The following ERBB4 variants were observed in gnomAD, a reference collection of about 807,000 sequenced individuals.
The protein encoded by ERBB4 is erb-b2 receptor tyrosine kinase 4.
In ERBB4, 42 loss-of-function variants were observed where a neutral mutation model predicts 158.0. The ratio of observed to expected loss-of-function variants is 0.27; its 90% confidence interval spans 0.21 to 0.34. ERBB4 has a LOEUF of 0.34. ERBB4 is among the 10% of genes least tolerant of loss of function. The pLI is 1.00. For synonymous variants in ERBB4, 583 were observed against 558.7 expected (o/e 1.04, Z -0.61); for missense variants, 1,333 against 1,624.1 (o/e 0.82, Z 3.08).
rs1007248356 is a variant in ERBB4 at position 211,736,719 on chromosome 2, C to G, written c.623-11525G>C. On this transcript the variant is annotated intron_variant, in intron 5 of 27. Coordinates refer to ENST00000342788, the MANE Select transcript of ERBB4 (RefSeq NM_005235.3). The stretch of plus-strand genomic sequence containing the variant: ...TCAGAATTGTGCCATTGAGACTGAC[C>G]ATTCTCAGAGGTTTGTGCTTTTTAT... Among the ~76,000 whole-genome samples the G allele has an allele frequency of 8.5e-5, 13 of 152,196 alleles. No homozygotes were observed. In the South Asian group the frequency reaches 2.7e-3, roughly 32 times the overall value.
chr2:211,969,147 T>C (rs1326905627), intron 2 of ERBB4, among the ~76,000 whole-genome samples: 1 of 152,006 alleles, frequency 6.6e-6, no homozygotes, highest in Non-Finnish European at 1.5e-5. Context: ...TGAGCATTTT[T>C]AAAGTGTATA....
At chr2:211,962,817 G>C (rs554361582) in intron 2 of ERBB4, among the ~76,000 whole-genome samples, 1 of 152,196 alleles carries the variant, frequency 6.6e-6, no homozygotes, top group South Asian at 2.1e-4. Context: ...GAGGTTTTTA[G>C]CTTGGGAGAC....
At chr2:212,217,904 T>C (rs76138846) in intron 1 of ERBB4, among the ~76,000 whole-genome samples, 350 of 151,364 alleles carry the variant, frequency 2.3e-3, no homozygotes, top group Non-Finnish European at 4.3e-3. Context: ...ATAAAGTATA[T>C]ATTTCTTCTG....
chr2:211,618,497 C>T (rs2069477421), intron 19 of ERBB4, among the ~76,000 whole-genome samples: 1 of 151,936 alleles, frequency 6.6e-6, no homozygotes, highest in African/African-American at 2.4e-5. Flanking sequence ...AAAAGCCTGA[C>T]TATAATCCAG....
At chr2:211,731,780 C>G (rs2074433691) in intron 5 of ERBB4, among the ~76,000 whole-genome samples, 1 of 152,050 alleles carries the variant, frequency 6.6e-6, no homozygotes, top group Non-Finnish European at 1.5e-5. Flanking sequence ...GCTCACAGAC[C>G]ATCCAAGAAG....
rs80236494 is a variant in ERBB4, at chr2:211,649,981, A to G, written c.1946+7773T>C. On this transcript the variant is annotated intron_variant, in intron 16 of 27. Transcript: ENST00000342788. ...ACAGAAGAATAATTGTATGTTTATGAAAAAATGATTAATTAGGGAATGTGC... is the reference window on the plus strand; with the variant it reads ...ACAGAAGAATAATTGTATGTTTATGGAAAAATGATTAATTAGGGAATGTGC... Among the ~76,000 whole-genome samples, 1,421 of 152,118 alleles carry G rather than the reference A, an allele frequency of 9.3e-3. 24 individuals are homozygous for G. Among genetic ancestry groups the G allele is most frequent in the African/African-American group, 0.032 (1,347 of 41,554 alleles).
Position 211,381,885 on chromosome 2 carries a change from A to AG in ERBB4, c.*1729_*1730insC. On this transcript the variant is annotated 3_prime_UTR_variant, in exon 28 of 28. Coordinates refer to ENST00000342788, the MANE Select transcript of ERBB4 (RefSeq NM_005235.3). The stretch of plus-strand genomic sequence containing the variant: ...TAGAATTTTCAGAAAAGGGCGACTT[A>AG]TATCTAAGTTTCCTAATTATTGATG... 4.4e-6 allele frequency: 1 copy of AG among 229,326 alleles called. No homozygotes were observed. The highest frequency in any genetic ancestry group is 8.7e-6 in the Non-Finnish European group (1 of 115,600). The allele number at this position is 229,326 out of a possible 1,614,324, so 14.2% of individuals were successfully genotyped here.
intron 1 of ERBB4, among the ~76,000 whole-genome samples, chr2:212,303,354 T>C (rs2086690287): frequency 7.5e-6 from 1 of 132,492 alleles, no homozygotes; most frequent in Non-Finnish European, 1.7e-5. Flanking sequence ...TGCTAGATCA[T>C]GTCAGTATAG....
chr2:211,854,864 TA>T (rs1203820706), intron 3 of ERBB4, among the ~76,000 whole-genome samples: 3 of 152,280 alleles, frequency 2.0e-5, no homozygotes, highest in Admixed American at 6.5e-5. Context: ...CTTTTGAATA[TA>T]AACATAAAAG....
intron 1 of ERBB4, among the ~76,000 whole-genome samples, chr2:212,453,742 T>G (rs1302330633): frequency 6.6e-6 from 1 of 152,204 alleles, no homozygotes; most frequent in Non-Finnish European, 1.5e-5. Flanking sequence ...AGTTACACAT[T>G]GCTAAAAGAA....
At chr2:212,357,204 A>C (rs1560103265) in intron 1 of ERBB4, among the ~76,000 whole-genome samples, 1 of 151,858 alleles carries the variant, frequency 6.6e-6, no homozygotes, top group Non-Finnish European at 1.5e-5. Flanking sequence ...ATTCAGAACA[A>C]TGAGCTTTAA....
At position 212,315,449 on chromosome 2, in the gene ERBB4, T is replaced by A. The variant is rs1052975292; in HGVS notation, c.83-190546A>T. Among the ~76,000 whole-genome samples, 19 of 151,494 alleles carry A rather than the reference T, an allele frequency of 1.3e-4. No individual in the cohort carries two copies. The East Asian group carries it at 3.5e-3, about 28-fold the overall frequency. ...CATATATCACACACATAATTATTAT[T>A]TTTCTCTTCTAAATTTCCTTAAAAT... On this transcript the variant is annotated intron_variant, in intron 1 of 27. Transcript: ENST00000342788.
chr2:212,404,719 G>A (rs553112786), intron 1 of ERBB4, among the ~76,000 whole-genome samples: 2 of 151,962 alleles, frequency 1.3e-5, no homozygotes, highest in Admixed American at 6.6e-5. Flanking sequence ...GTGTCACAGA[G>A]GTTTGCAGTA....
chr2:211,488,761 AT>A (rs2065268339), intron 20 of ERBB4, among the ~76,000 whole-genome samples: 1 of 152,076 alleles, frequency 6.6e-6, no homozygotes, highest in African/African-American at 2.4e-5. Context: ...AATTGGCAAT[AT>A]TTTTTCCTGT....
intron 3 of ERBB4, among the ~76,000 whole-genome samples, chr2:211,932,572 G>T (rs976986209): frequency 1.3e-5 from 2 of 151,950 alleles, no homozygotes; most frequent in Admixed American, 1.3e-4. Context: ...AACCATTTGA[G>T]GGGGGAGTGT....
At position 212,298,083 on chromosome 2, in the gene ERBB4, G is replaced by A. The variant is rs540919967; in HGVS notation, c.83-173180C>T. ...ATGTATTATTATCTTACTACAATTTGTTTTCACTAATAGTTCTTTTTAACA... is the reference window on the plus strand; with the variant it reads ...ATGTATTATTATCTTACTACAATTTATTTTCACTAATAGTTCTTTTTAACA... On this transcript the variant is annotated intron_variant, in intron 1 of 27. Coordinates refer to ENST00000342788, the MANE Select transcript of ERBB4 (RefSeq NM_005235.3). Among the ~76,000 whole-genome samples the A allele has an allele frequency of 1.6e-4, 24 of 151,746 alleles. 1 individual carries two copies. In the South Asian group the frequency reaches 5.0e-3, roughly 32 times the overall value.
At chr2:212,222,737 T>G in intron 1 of ERBB4, among the ~76,000 whole-genome samples, 1 of 151,484 alleles carries the variant, frequency 6.6e-6, no homozygotes, top group East Asian at 1.9e-4. Context: ...AAACTGCAGT[T>G]TACCTTCATA....
intron 1 of ERBB4, among the ~76,000 whole-genome samples, chr2:212,528,427 T>TCATCTACAAAATAGGAG (rs1324439462): frequency 2.0e-5 from 3 of 152,148 alleles, no homozygotes; most frequent in African/African-American, 7.2e-5. Flanking sequence ...CTCTAGTCCC[T>TCATCTACAAAATAGGAG]CATCTACAAA....
At position 211,944,873 on chromosome 2, in the gene ERBB4, G is replaced by A. The variant is rs1359086676; in HGVS notation, c.421+2557C>T. Among the ~76,000 whole-genome samples, 3 of 152,074 alleles carry A rather than the reference G, an allele frequency of 2.0e-5. No homozygotes were observed. The East Asian group carries it at 5.8e-4, about 29-fold the overall frequency. ...TCATGGTGATGGTCCATTAAGAATG[G>A]AGTTAAAAATGTAATACAGTATGGT... On this transcript the variant is annotated intron_variant, in intron 3 of 27. Coordinates refer to ENST00000342788, the MANE Select transcript of ERBB4 (RefSeq NM_005235.3).
Sources: gnomAD v4.1 joint callset for allele counts (sites outside exome capture counted in the v4.1 genomes callset) on GRCh38, gnomAD v4.1.1 for gene constraint, MANE v1.5 for transcripts, NCBI Gene and HGNC (gene_info 2026-07-23, HGNC 2026-07-21) for gene names.